Variants in PCDHGA1 observed in about 807,000 individuals in gnomAD.
PCDHGA1 encodes the protein protocadherin gamma subfamily A, 1, also known as protocadherin gamma-A1.
In PCDHGA1, 32 loss-of-function variants were observed where a neutral mutation model predicts 58.0. That is an observed-to-expected ratio of 0.55 (90% CI 0.42 to 0.74). PCDHGA1 has a LOEUF of 0.74. Ranked by LOEUF, PCDHGA1 falls within the 30% of genes least tolerant of loss-of-function variation. The probability of loss-of-function intolerance (pLI) is 0.00; values close to 1 mark genes in which losing one functional copy is unlikely to be tolerated. For synonymous variants in PCDHGA1, 498 were observed against 501.1 expected, an observed-to-expected ratio of 0.99 and a Z score of 0.08; for missense variants, 1,205 against 1,182.3, an observed-to-expected ratio of 1.02 and a Z score of -0.28.
chr5:141,489,713 A>G lies in PCDHGA1; in HGVS notation c.2422-5094A>G. On this transcript the variant is annotated intron_variant, in intron 1 of 3. Coordinates refer to ENST00000517417, the MANE Select transcript of PCDHGA1 (RefSeq NM_018912.3). The surrounding 1 kb of genome is among the most constrained non-coding windows in gnomAD (Gnocchi z 4.5). The stretch of plus-strand genomic sequence containing the variant: ...GCACGATTCCCACTGGACAGTGCCC[A>G]GGATCCGGATGTGGGCACCAATACT... 1.9e-6 allele frequency: 3 copies of G among 1,614,162 alleles called. No individual in the cohort carries two copies. The highest frequency in any genetic ancestry group is 2.5e-6 in the Non-Finnish European group (3 of 1,179,968).
intron 1 of PCDHGA1, among the ~76,000 whole-genome samples, chr5:141,479,965 T>C (rs2099510479): frequency 6.6e-6 from 1 of 152,234 alleles, no homozygotes; most frequent in East Asian, 1.9e-4. Context: ...GTTAGTCAAA[T>C]GAGGTTCTAC....
chr5:141,490,421 C>T lies in PCDHGA1; in HGVS notation c.2422-4386C>T. On this transcript the variant is annotated intron_variant, in intron 1 of 3. Coordinates refer to ENST00000517417, the MANE Select transcript of PCDHGA1 (RefSeq NM_018912.3). The surrounding 1 kb of genome is among the most constrained non-coding windows in gnomAD (Gnocchi z 5.4). ...AGCCTTGATATCTCTCCGGACCTGCCATTTCAGATTAAGCCTTCTGAGAAC... is the reference window on the plus strand; with the variant it reads ...AGCCTTGATATCTCTCCGGACCTGCTATTTCAGATTAAGCCTTCTGAGAAC... 1 of 1,614,192 alleles carries T rather than the reference C, an allele frequency of 6.2e-7. No homozygotes were observed. The highest frequency in any genetic ancestry group is 8.5e-7 in the Non-Finnish European group (1 of 1,180,016).
chr5:141,370,689 A>G (rs1275146563), intron 1 of PCDHGA1: 1 of 1,613,814 alleles, frequency 6.2e-7, no homozygotes, highest in East Asian at 2.2e-5. Context: ...TTGTGGCAAG[A>G]AGTCGACGTG....
At chr5:141,405,648 G>T (rs936380418) in intron 1 of PCDHGA1, 5 of 523,616 alleles carry the variant, frequency 9.5e-6, no homozygotes, top group African/African-American at 3.9e-5. Context: ...CTAATTTTTT[G>T]TGTGTTTTTA....
At chr5:141,356,532 C>T (rs1367713554) in intron 1 of PCDHGA1, 2 of 1,613,786 alleles carry the variant, frequency 1.2e-6, no homozygotes, top group South Asian at 2.2e-5. Flanking sequence ...AAGTGATGGA[C>T]ATCAATGACA....
At chr5:141,473,270 T>C (rs538574742) in intron 1 of PCDHGA1, among the ~76,000 whole-genome samples, 4 of 152,326 alleles carry the variant, frequency 2.6e-5, no homozygotes, top group African/African-American at 9.6e-5. Context: ...GTGTATGCTA[T>C]GATTATTTTA....
intron 1 of PCDHGA1, among the ~76,000 whole-genome samples, chr5:141,368,063 A>G (rs1765467925): frequency 6.6e-6 from 1 of 152,184 alleles, no homozygotes; most frequent in Non-Finnish European, 1.5e-5. Flanking sequence ...GAACTACTAT[A>G]TTTCCCTTCT....
chr5:141,369,294 C>T (rs767666173), intron 1 of PCDHGA1, among the ~76,000 whole-genome samples: 37 of 152,084 alleles, frequency 2.4e-4, no homozygotes, highest in Non-Finnish European at 3.5e-4. Flanking sequence ...ATCCTAATAA[C>T]GCATCATTGT....
intron 1 of PCDHGA1, chr5:141,370,240 G>A: frequency 1.6e-6 from 1 of 624,266 alleles, no homozygotes; most frequent in Non-Finnish European, 2.6e-6. Flanking sequence ...CGGAAGAAAA[G>A]TGCACTCTCT....
In PCDHGA1 at chr5:141,389,374, G is replaced by A. The variant is rs192606668; in HGVS notation, c.2421+56269G>A. On this transcript the variant is annotated intron_variant, in intron 1 of 3. Coordinates refer to ENST00000517417, the MANE Select transcript of PCDHGA1 (RefSeq NM_018912.3). Reference sequence around the variant, plus strand: ...ATCATGGCCAGTGACCTGGAGCAGCGGGAGCTGTCATCCTACGTGTCCATA... The same window carrying A: ...ATCATGGCCAGTGACCTGGAGCAGCAGGAGCTGTCATCCTACGTGTCCATA... 1,030 of 1,613,784 alleles carry A rather than the reference G, an allele frequency of 6.4e-4. 16 individuals are homozygous for A. The East Asian group carries it at 0.021, about 33-fold the overall frequency.
intron 1 of PCDHGA1, chr5:141,383,678 G>C: frequency 1.2e-6 from 2 of 1,614,036 alleles, no homozygotes; most frequent in East Asian, 4.5e-5. Flanking sequence ...GTGGGTACAA[G>C]ACTGCTCACG....
intron 1 of PCDHGA1, chr5:141,340,466 G>A: frequency 6.2e-7 from 1 of 1,614,200 alleles, no homozygotes; most frequent in Non-Finnish European, 8.5e-7. Context: ...TGTTCAGGGG[G>A]CACCCTTATC....
chr5:141,451,682 G>GA (rs1401536376), intron 1 of PCDHGA1, among the ~76,000 whole-genome samples: 1 of 152,128 alleles, frequency 6.6e-6, no homozygotes, highest in Non-Finnish European at 1.5e-5. Flanking sequence ...AGGAGTTCAA[G>GA]ACCAGCCTGG....
At chr5:141,459,891 CT>C (rs1405964049) in intron 1 of PCDHGA1, among the ~76,000 whole-genome samples, 1 of 152,158 alleles carries the variant, frequency 6.6e-6, no homozygotes, top group African/African-American at 2.4e-5. Flanking sequence ...TGAACGCCTT[CT>C]TAAAATTGAG....
chr5:141,448,394 T>A (rs1360417681), intron 1 of PCDHGA1, among the ~76,000 whole-genome samples: 2 of 152,206 alleles, frequency 1.3e-5, no homozygotes, highest in Admixed American at 6.5e-5. Context: ...TACATTTACA[T>A]GGTTTTAAAA....
chr5:141,360,072 C>G (rs1257402709), intron 1 of PCDHGA1: 3 of 1,473,362 alleles, frequency 2.0e-6, no homozygotes, highest in Non-Finnish European at 2.7e-6. Flanking sequence ...GACCTTAGCC[C>G]GGATTCTGCC....
intron 1 of PCDHGA1, chr5:141,427,070 G>A (rs929936578): frequency 3.1e-5 from 14 of 457,822 alleles, no homozygotes; most frequent in Non-Finnish European, 6.2e-5. Context: ...TACTAAAGGT[G>A]ACAGCCACTG....
chr5:141,400,028 C>T (rs2093943957), intron 1 of PCDHGA1: 1 of 1,613,054 alleles, frequency 6.2e-7, no homozygotes. Context: ...AGGGACGCGG[C>T]CCGCCAGCGC....
intron 1 of PCDHGA1, chr5:141,362,370 G>A: frequency 6.2e-7 from 1 of 1,614,042 alleles, no homozygotes; most frequent in South Asian, 1.1e-5. Flanking sequence ...ATTACAGTGA[G>A]GGTACATTGC....
Sources: allele counts gnomAD v4.1 joint callset (sites outside exome capture counted in the v4.1 genomes callset), GRCh38; gene constraint gnomAD v4.1.1; non-coding constraint Gnocchi (gnomAD v3.1); transcripts MANE v1.5; gene names NCBI Gene and HGNC (gene_info 2026-07-23, HGNC 2026-07-21).